C10orf67: variants seen among roughly 807,000 people sequenced by gnomAD.
C10orf67 encodes uncharacterized protein C10orf67, mitochondrial.
Under a neutral mutation model 35.6 loss-of-function variants are expected in C10orf67, and 60 were observed. That is an observed-to-expected ratio of 1.68 (90% CI 1.37 to 2.09). The LOEUF (loss-of-function observed/expected upper bound fraction) is 2.09, where lower values mean the gene tolerates loss of function less well. Ranked by LOEUF, C10orf67 falls within the 30% of genes most tolerant of loss-of-function variation. The probability of loss-of-function intolerance (pLI) is 0.00; values close to 1 mark genes in which losing one functional copy is unlikely to be tolerated. For synonymous variants in C10orf67, 167 were observed against 115.8 expected (o/e 1.44, Z -2.84); for missense variants, 474 against 330.2 (o/e 1.44, Z -3.38).
chr10:23,323,952 T>TATATATATATACACACAC (rs1564513730), intron 2 of C10orf67, among the ~76,000 whole-genome samples: 6 of 64,690 alleles, frequency 9.3e-5, no homozygotes, highest in Non-Finnish European at 1.7e-4. Flanking sequence ...TATATATATA[T>TATATATATATACACACAC]ACACACACAC....
chr10:23,303,405 T>C lies in C10orf67; in HGVS notation c.601A>G (p.Lys201Glu). 1 of 648,332 alleles carries C rather than the reference T, an allele frequency of 1.5e-6. No homozygotes were observed. Among genetic ancestry groups the C allele is most frequent in the Non-Finnish European group, 2.8e-6 (1 of 356,924 alleles). The allele number at this position is 648,332 out of a possible 1,614,324, so 40.2% of individuals were successfully genotyped here. The change falls in exon 5 of 16, where the codon AAA becomes GAA. Residue 201 changes from lysine (K) to glutamate (E), a missense_variant. By Grantham distance (56) the Lys-to-Glu change is moderately conservative. Coordinates refer to ENST00000636213, the MANE Select transcript of C10orf67 (RefSeq NM_001371909.1). The stretch of plus-strand genomic sequence containing the variant: ...AGTTTTCTTAACAAAATATTTGTTT[T>C]GACAGTACTCGCATCTTGCAAAGAA... ...NVSLQDASTV[K>E]TNILLRKLKE...
At chr10:23,211,117 A>G (rs759930215) in intron 15 of C10orf67, among the ~76,000 whole-genome samples, 9 of 152,190 alleles carry the variant, frequency 5.9e-5, no homozygotes, top group Non-Finnish European at 1.0e-4. Flanking sequence ...GGAGGCTAGG[A>G]GTTCAAAATC....
At chr10:23,264,922 A>G (rs1425541444) in intron 10 of C10orf67, among the ~76,000 whole-genome samples, 2 of 152,232 alleles carry the variant, frequency 1.3e-5, no homozygotes, top group African/African-American at 2.4e-5. Context: ...GGTCTCCCCA[A>G]CCAGGTCAGC....
chr10:23,242,238 G>A (rs555219458), intron 12 of C10orf67, among the ~76,000 whole-genome samples: 33 of 152,170 alleles, frequency 2.2e-4, no homozygotes, highest in African/African-American at 7.5e-4. Flanking sequence ...CAAAGTGCTC[G>A]GATTACAAGC....
chr10:23,344,688 C>A lies in C10orf67; in HGVS notation c.87G>T (p.Gly29=), dbSNP rs368517868. 1.8e-5 allele frequency: 28 copies of A among 1,577,148 alleles called. No homozygotes were observed. In the African/African-American group the frequency reaches 3.0e-4, roughly 17 times the overall value. ...TGGCCTCCCAGCGTGTGCCAAAGGTCCCCCTCAAGGAGGAGGAAAAGCAGT... is the reference window on the plus strand; with the variant it reads ...TGGCCTCCCAGCGTGTGCCAAAGGTACCCCTCAAGGAGGAGGAAAAGCAGT... ...WVHCFSSSLR[G]TFGTRWEAMK... is the part of the protein sequence containing the mutation. The change falls in exon 1 of 16, where the codon GGG becomes GGT. Residue 29 remains glycine (G), a synonymous_variant. Coordinates refer to ENST00000636213, the MANE Select transcript of C10orf67 (RefSeq NM_001371909.1).
At chr10:23,208,577 C>T (rs1328132037) in intron 15 of C10orf67, among the ~76,000 whole-genome samples, 1 of 152,170 alleles carries the variant, frequency 6.6e-6, no homozygotes, top group Non-Finnish European at 1.5e-5. Context: ...ACATAAATTC[C>T]AGGCACTGAG....
chr10:23,289,106 A>T (rs1843635656), intron 7 of C10orf67, among the ~76,000 whole-genome samples: 1 of 152,116 alleles, frequency 6.6e-6, no homozygotes, highest in Non-Finnish European at 1.5e-5. Flanking sequence ...AATTGCTGAG[A>T]TCCTACTGCA....
Position 23,228,688 on chromosome 10 carries a change from T to A in C10orf67, c.1435-4870A>T, listed in dbSNP as rs576481071. Among the ~76,000 whole-genome samples the A allele has an allele frequency of 2.0e-4, 31 of 152,184 alleles. No individual in the cohort carries two copies. In the South Asian group the frequency reaches 4.4e-3, roughly 21 times the overall value. On this transcript the variant is annotated intron_variant, in intron 13 of 15. Coordinates refer to ENST00000636213, the MANE Select transcript of C10orf67 (RefSeq NM_001371909.1). ...GGGAGAAAATTTTTGCAATCTACTC[T>A]TCTGACAAAGGGCTAATATCCAGAA...
In C10orf67 at chr10:23,218,073, C is replaced by G. The variant is rs187203824; in HGVS notation, c.1570+5525G>C. Among the ~76,000 whole-genome samples, 504 of 152,270 alleles carry G rather than the reference C, an allele frequency of 3.3e-3. 3 individuals carry two copies. The highest frequency in any genetic ancestry group is 0.012 in the African/African-American group (492 of 41,542). On this transcript the variant is annotated intron_variant, in intron 15 of 15. Coordinates refer to ENST00000636213, the MANE Select transcript of C10orf67 (RefSeq NM_001371909.1). ...TCTCTAATCCAGTTGGTCATCCTAACCAATTTCTATACCATTCGGAATTCA... is the reference window on the plus strand; with the variant it reads ...TCTCTAATCCAGTTGGTCATCCTAAGCAATTTCTATACCATTCGGAATTCA...
intron 7 of C10orf67, among the ~76,000 whole-genome samples, chr10:23,286,810 G>A (rs1247447822): frequency 1.3e-5 from 2 of 152,198 alleles, no homozygotes; most frequent in South Asian, 2.1e-4. Context: ...CAAATAGGGT[G>A]AAGCCTAAGA....
At chr10:23,298,672 T>C (rs1172632147) in intron 5 of C10orf67, among the ~76,000 whole-genome samples, 1 of 152,224 alleles carries the variant, frequency 6.6e-6, no homozygotes, top group African/African-American at 2.4e-5. Context: ...CCTGGATACA[T>C]TCCTCACTGA....
Position 23,337,799 on chromosome 10 carries a change from A to G in C10orf67, c.207-4617T>C, listed in dbSNP as rs370222651. The stretch of plus-strand genomic sequence containing the variant: ...TATGACCAGGTGACTGAGGGAAAAA[A>G]CCTCAAGCCTGATTCACAGATGGGT... On this transcript the variant is annotated intron_variant, in intron 1 of 15. Transcript: ENST00000636213. Among the ~76,000 whole-genome samples the G allele has an allele frequency of 1.8e-4, 28 of 151,930 alleles. No individual in the cohort carries two copies. The South Asian group carries it at 4.6e-3, about 25-fold the overall frequency.
At chr10:23,216,448 C>T (rs536529030) in intron 15 of C10orf67, among the ~76,000 whole-genome samples, 1 of 152,210 alleles carries the variant, frequency 6.6e-6, no homozygotes, top group Non-Finnish European at 1.5e-5. Flanking sequence ...CATATTCTGA[C>T]AGTATCTAGT....
intron 15 of C10orf67, among the ~76,000 whole-genome samples, chr10:23,221,177 A>G (rs1446973386): frequency 6.6e-6 from 1 of 152,206 alleles, no homozygotes; most frequent in Non-Finnish European, 1.5e-5. Flanking sequence ...CAGGAAACTT[A>G]CAATCATGGT....
chr10:23,291,018 CT>C, intron 6 of C10orf67, 113 bp downstream of exon 6: 4 of 591,726 alleles, frequency 6.8e-6, no homozygotes, highest in Non-Finnish European at 1.2e-5. Flanking sequence ...TGAAATTCAT[CT>C]TTCAAATGTA....
intron 10 of C10orf67, among the ~76,000 whole-genome samples, chr10:23,259,811 C>T (rs539638125): frequency 4.0e-4 from 60 of 151,868 alleles, no homozygotes; most frequent in Non-Finnish European, 3.2e-4. Context: ...CTCAATATAA[C>T]TGAAAAAAGT....
At chr10:23,247,364 C>T (rs1195387024) in intron 12 of C10orf67, among the ~76,000 whole-genome samples, 1 of 152,148 alleles carries the variant, frequency 6.6e-6, no homozygotes, top group Non-Finnish European at 1.5e-5. Flanking sequence ...GATGCATAAA[C>T]ACTTACCATT....
chr10:23,318,977 GGTC>G, intron 4 of C10orf67: 2 of 740,846 alleles, frequency 2.7e-6, no homozygotes, highest in South Asian at 2.9e-5. Flanking sequence ...AAAAAGAAAG[GGTC>G]TTCCATGAGA....
chr10:23,333,329 G>C (rs1418329247), intron 1 of C10orf67, 147 bp from the exon 2 acceptor site: 7 of 650,308 alleles, frequency 1.1e-5, no homozygotes, highest in Non-Finnish European at 1.8e-5. Context: ...ATTAGCTCTT[G>C]TGATCTGGAG....
Sources: gnomAD v4.1 joint callset for allele counts (sites outside exome capture counted in the v4.1 genomes callset) on GRCh38, gnomAD v4.1.1 for gene constraint, MANE v1.5 for transcripts, NCBI Gene and HGNC (gene_info 2026-07-23, HGNC 2026-07-21) for gene names.